The following LSP1 variants were observed in gnomAD, a reference collection of about 807,000 sequenced individuals.
LSP1 encodes the protein lymphocyte specific protein 1.
In LSP1, 32 loss-of-function variants were observed where a neutral mutation model predicts 49.3. The observed-to-expected ratio is 0.65, with a 90% CI of 0.49 to 0.87. The LOEUF (loss-of-function observed/expected upper bound fraction) is 0.87, where lower values mean the gene tolerates loss of function less well. Ranked by LOEUF, LSP1 falls within the 40% of genes least tolerant of loss-of-function variation. The probability of loss-of-function intolerance (pLI) is 0.00; values close to 1 mark genes in which losing one functional copy is unlikely to be tolerated. For missense variants in LSP1, 428 were observed against 442.6 expected (o/e 0.97, Z 0.30); for synonymous variants, 179 against 178.8 (o/e 1.00, Z -0.01).
intron 1 of LSP1, chr11:1,871,210 G>C (rs1359010158): frequency 1.0e-6 from 1 of 986,280 alleles, no homozygotes; most frequent in Non-Finnish European, 1.2e-6. Flanking sequence ...CAGGAGGAGG[G>C]GGGAAGAAAG....
intron 1 of LSP1, chr11:1,868,579 G>T: frequency 1.1e-6 from 1 of 906,212 alleles, no homozygotes; most frequent in Non-Finnish European, 1.3e-6. Context: ...GCTGGGGGAA[G>T]CCAGGCCTCC....
rs201818669 is a variant in LSP1 at position 1,887,466 on chromosome 11, C to T, written c.931-8C>T. ...CTCACCTTCACTCTTGGTCTCCTTT[C>T]CCAACAGAGCACCCCATCTGGGAAG... On this transcript the variant is annotated splice_polypyrimidine_tract_variant and splice_region_variant and intron_variant, in intron 9 of 10. Coordinates refer to ENST00000311604, the MANE Select transcript of LSP1 (RefSeq NM_002339.3). The T allele has an allele frequency of 1.2e-6, 2 of 1,613,300 alleles. No individual in the cohort carries two copies. Among genetic ancestry groups the T allele is most frequent in the East Asian group, 4.5e-5 (2 of 44,870 alleles).
chr11:1,881,989 T>C (rs1440141590), intron 3 of LSP1, among the ~76,000 whole-genome samples: 1 of 152,126 alleles, frequency 6.6e-6, no homozygotes, highest in Admixed American at 6.5e-5. Flanking sequence ...GCTTCCGTAA[T>C]GGAGGCTGAG....
At chr11:1,876,714 A>C in intron 1 of LSP1, 9 of 819,204 alleles carry the variant, frequency 1.1e-5, no homozygotes, top group Non-Finnish European at 1.2e-5. Flanking sequence ...GGGAGGTAGA[A>C]GTGGGGGTGG....
chr11:1,864,907 GC>G (rs1225993188), intron 1 of LSP1, among the ~76,000 whole-genome samples: 2 of 152,078 alleles, frequency 1.3e-5, no homozygotes, highest in African/African-American at 4.8e-5. Flanking sequence ...GGCCAGAGGG[GC>G]CAAGACAGGC....
intron 3 of LSP1, 144 bp from the exon 4 acceptor site, chr11:1,883,275 G>C (rs887575228): frequency 3.8e-5 from 38 of 1,012,936 alleles, no homozygotes; most frequent in Non-Finnish European, 5.6e-5. Context: ...TTTCCCAATG[G>C]GCTTGGGTCT....
intron 10 of LSP1, chr11:1,889,074 C>T (rs1202386310): frequency 3.4e-6 from 2 of 580,656 alleles, no homozygotes; most frequent in Non-Finnish European, 6.2e-6. Flanking sequence ...ACTATGGGCC[C>T]CCAGCTAGAG....
intron 1 of LSP1, chr11:1,863,576 C>G (rs577278122): frequency 1.3e-5 from 2 of 152,264 alleles, no homozygotes; most frequent in African/African-American, 2.4e-5. Context: ...GCTGGGCAAA[C>G]CGCCGGATGT....
intron 1 of LSP1, among the ~76,000 whole-genome samples, chr11:1,859,927 C>T (rs1022594373): frequency 1.8e-4 from 27 of 152,214 alleles, no homozygotes; most frequent in African/African-American, 6.3e-4. Flanking sequence ...CCCCTGTCCC[C>T]ATGGGCTCTC....
At chr11:1,853,261 G>A in intron 1 of LSP1, 64 bp downstream of exon 1, 1 of 1,533,174 alleles carries the variant, frequency 6.5e-7, no homozygotes, top group South Asian at 1.2e-5. Flanking sequence ...TCCTTGAGCT[G>A]CATGGAGGGT....
Position 1,884,503 on chromosome 11 carries a change from C to G in LSP1, c.639C>G (p.Asn213Lys). Residue 213 changes from asparagine to lysine, a missense_variant, in exon 7 of 11, where the codon AAC becomes AAG. Coordinates refer to ENST00000311604, the MANE Select transcript of LSP1 (RefSeq NM_002339.3). The surrounding 1 kb of genome is among the most constrained non-coding windows in gnomAD (Gnocchi z 4.1). ...TGACACATCTTCTACCCTCCAGTAA[C>G]AGTGTGAAGAAATCCCAGCCAGACT... ...ESLNRSIEKS[N>K]SVKKSQPDLP... 6.2e-7 allele frequency: 1 copy of G among 1,613,422 alleles called. No homozygotes were observed. Among genetic ancestry groups the G allele is most frequent in the Non-Finnish European group, 8.5e-7 (1 of 1,179,482 alleles).
chr11:1,865,867 C>T (rs553368204), intron 1 of LSP1, among the ~76,000 whole-genome samples: 1 of 152,022 alleles, frequency 6.6e-6, no homozygotes, highest in African/African-American at 2.4e-5. Context: ...GCTGAGCTTA[C>T]CGGCCCTGGC....
chr11:1,853,966 C>G (rs1298631103), intron 1 of LSP1, among the ~76,000 whole-genome samples: 1 of 152,212 alleles, frequency 6.6e-6, no homozygotes, highest in Non-Finnish European at 1.5e-5. Flanking sequence ...GGCTTAGTAA[C>G]TGGGCTCCCT....
chr11:1,882,026 G>A (rs1007821221), intron 3 of LSP1, among the ~76,000 whole-genome samples: 14 of 152,266 alleles, frequency 9.2e-5, no homozygotes, highest in South Asian at 2.1e-4. Flanking sequence ...TTCCTCCCTC[G>A]GGGCTGGCTG....
intron 1 of LSP1, among the ~76,000 whole-genome samples, chr11:1,877,222 G>A (rs1227124804): frequency 6.6e-6 from 1 of 152,158 alleles, no homozygotes; most frequent in African/African-American, 2.4e-5. Flanking sequence ...TTCCCAGAAC[G>A]GAGCCCAGCT....
Position 1,883,553 on chromosome 11 carries a change from A to G in LSP1, c.491A>G (p.Gln164Arg). 6.2e-7 allele frequency: 1 copy of G among 1,610,874 alleles called. No homozygotes were observed. Among genetic ancestry groups the G allele is most frequent in the Non-Finnish European group, 8.5e-7 (1 of 1,178,870 alleles). Residue 164 changes from glutamine (Q) to arginine (R), a missense_variant, in exon 4 of 11, where the codon CAG becomes CGG. Transcript: ENST00000311604. ...GGGGCCGCAGGGGCTGAGGAGGAAC[A>G]GGAGGAGGTGATGGCTCCACCTCAG... ...NLGAAGAEEE[Q>R]EEHQKCQQPR...
At chr11:1,876,277 C>T (rs1848305856) in intron 1 of LSP1, among the ~76,000 whole-genome samples, 1 of 152,148 alleles carries the variant, frequency 6.6e-6, no homozygotes, top group Admixed American at 6.5e-5. Flanking sequence ...AGTCTAGGAC[C>T]CCAGGGGAGG....
intron 7 of LSP1, 104 bp from the exon 8 acceptor site, chr11:1,886,628 A>G: frequency 7.4e-7 from 1 of 1,350,310 alleles, no homozygotes; most frequent in South Asian, 1.5e-5. Context: ...AAGCGCTCCC[A>G]GGGAAAACAC....
chr11:1,868,757 C>T, intron 1 of LSP1: 1 of 985,860 alleles, frequency 1.0e-6, no homozygotes, highest in Non-Finnish European at 1.2e-6. Flanking sequence ...ACCGAGTGGC[C>T]CAGCCCCCTG....
Sources: gnomAD v4.1 joint callset for allele counts (sites outside exome capture counted in the v4.1 genomes callset) on GRCh38, gnomAD v4.1.1 for gene constraint, Gnocchi (gnomAD v3.1) non-coding constraint, MANE v1.5 for transcripts, NCBI Gene and HGNC (gene_info 2026-07-23, HGNC 2026-07-21) for gene names.